Variants in SPATA9 observed in about 807,000 individuals in gnomAD.
SPATA9 encodes spermatogenesis associated 9.
SPATA9 carries 27 observed loss-of-function variants against 25.5 expected under a neutral mutation model. The ratio of observed to expected loss-of-function variants is 1.06; its 90% CI spans 0.78 to 1.46. The LOEUF (loss-of-function observed/expected upper bound fraction) is 1.46. Among genes scored for constraint, SPATA9 ranks in the 40% most tolerant of loss-of-function variants. The pLI, the probability that SPATA9 is intolerant of heterozygous loss-of-function variation, is 0.00. For missense variants in SPATA9, 282 were observed against 297.5 expected (o/e 0.95, Z 0.38); for synonymous variants, 102 against 105.7 (o/e 0.97, Z 0.21).
chr5:95,691,935 A>T (rs1376968706), intron 1 of SPATA9, among the ~76,000 whole-genome samples: 3 of 152,118 alleles, frequency 2.0e-5, no homozygotes, highest in African/African-American at 7.2e-5. Flanking sequence ...CCATTTCATA[A>T]TCTATGAATA....
chr5:95,713,691 G>C, the SPATA9 span: 1 of 152,016 alleles, frequency 6.6e-6, no homozygotes, highest in South Asian at 2.1e-4. Flanking sequence ...ATCTAAGGTA[G>C]ATCTCCTTTA....
upstream of SPATA9, among the ~76,000 whole-genome samples, chr5:95,700,462 G>A (rs562581034): frequency 9.9e-4 from 151 of 152,218 alleles, no homozygotes; most frequent in Non-Finnish European, 1.9e-3. Flanking sequence ...ACCATGGCTG[G>A]CTAATTTTTA....
At position 95,664,045 on chromosome 5, in the gene SPATA9, T is replaced by A; in HGVS notation, c.382A>T (p.Arg128Ter). 3.2e-6 allele frequency: 5 copies of A among 1,550,280 alleles called. No homozygotes were observed. Among genetic ancestry groups the A allele is most frequent in the Non-Finnish European group, 4.4e-6 (5 of 1,143,684 alleles). The change falls in exon 4 of 5, where the codon AGA becomes TGA. Residue 128 changes from arginine to a stop codon, truncating the protein, a stop_gained. Coordinates refer to ENST00000274432, the MANE Select transcript of SPATA9 (RefSeq NM_031952.4). LOFTEE classifies it high-confidence loss of function. ...PRQPLYNIQV[R>*]KGSLFEIISF... ...ATGATTTCAAACAAAGAACCCTTTC[T>A]GACCTGCAAAAACAGAAAAGATTTT...
chr5:95,673,268 C>G (rs1237534649), intron 3 of SPATA9, among the ~76,000 whole-genome samples: 1 of 152,140 alleles, frequency 6.6e-6, no homozygotes, highest in African/African-American at 2.4e-5. Flanking sequence ...TCACATTGCC[C>G]TAAGGAATTC....
At chr5:95,678,645 G>C (rs757797277) in intron 2 of SPATA9, among the ~76,000 whole-genome samples, 131 of 152,152 alleles carry the variant, frequency 8.6e-4, no homozygotes, top group Non-Finnish European at 1.3e-3. Context: ...AGAATTTTAA[G>C]ATACAACCCA....
At chr5:95,653,100 A>G (rs1750458776) in exon 9 of SPATA9, 1 of 1,551,004 alleles carries the variant, frequency 6.4e-7, no homozygotes, top group Non-Finnish European at 8.7e-7. Context: ...AGGCTTTTGT[A>G]TTTGCTCTTC....
rs1750949872 is a variant in SPATA9, at chr5:95,658,674, T to C, written c.714A>G (p.Gln238=). 5 of 1,613,676 alleles carry C rather than the reference T, an allele frequency of 3.1e-6. No individual in the cohort carries two copies. The highest frequency in any genetic ancestry group is 4.2e-6 in the Non-Finnish European group (5 of 1,179,840). ...ATTGGTCAAACACAGAATGTAAAAC[T>C]TGGATGTTATTACTCTGCTTATTAG... is the stretch of plus-strand genomic sequence containing the variant. ...LLANKQSNNI[Q]VLHSVFDQSA... The change falls in exon 5 of 5, where the codon CAA becomes CAG. Residue 238 remains glutamine (Q), a synonymous_variant. Transcript: ENST00000274432.
chr5:95,727,998 A>G, the SPATA9 span, among the ~76,000 whole-genome samples: 1 of 152,218 alleles, frequency 6.6e-6, no homozygotes, highest in African/African-American at 2.4e-5. Flanking sequence ...ACCTGACTTC[A>G]TGTGGTTGAG....
chr5:95,713,856 T>C, the SPATA9 span: 1 of 152,160 alleles, frequency 6.6e-6, no homozygotes, highest in Admixed American at 6.5e-5. Flanking sequence ...AAACTCTGAA[T>C]ACATTATCCA....
intron 3 of SPATA9, chr5:95,674,907 G>A: frequency 5.2e-6 from 2 of 385,700 alleles, no homozygotes; most frequent in South Asian, 3.9e-5. Flanking sequence ...GAAAAACTCT[G>A]AGTTCTGTGC....
At chr5:95,728,831 G>A in the SPATA9 span, among the ~76,000 whole-genome samples, 353 of 152,296 alleles carry the variant, frequency 2.3e-3, 2 homozygotes, top group African/African-American at 8.0e-3. Flanking sequence ...ACAGAATGCC[G>A]TAAAGAAGCC....
the SPATA9 span, among the ~76,000 whole-genome samples, chr5:95,714,318 G>A: frequency 1.1e-4 from 17 of 152,200 alleles, no homozygotes; most frequent in Non-Finnish European, 1.9e-4. Context: ...CAGATGAAAG[G>A]GCTCCAGGAG....
chr5:95,691,132 C>T lies in SPATA9; in HGVS notation n.124+7456G>A, dbSNP rs966669931. Among the ~76,000 whole-genome samples, 91 of 151,172 alleles carry T rather than the reference C, an allele frequency of 6.0e-4. 2 individuals are homozygous for T. The highest frequency in any genetic ancestry group is 3.4e-3 in the Middle Eastern group (1 of 290). On this transcript the variant is annotated intron_variant and non_coding_transcript_variant, in intron 1 of 2. Transcript: ENST00000379990. ...TTGGGAGGCTGAGGCAGGAGAACGG[C>T]GTGAACCCGGGAGGGGGAGCTTGCA...
In SPATA9 at chr5:95,680,546, T is replaced by C. The variant is rs370546812; in HGVS notation, c.150+1982A>G. Reference sequence around the variant, plus strand: ...ATTCTCTTCATTCTCTTCTTTTCTCTGATGCCCTGCTAACCCTTTAAACAA... The same window carrying C: ...ATTCTCTTCATTCTCTTCTTTTCTCCGATGCCCTGCTAACCCTTTAAACAA... On this transcript the variant is annotated intron_variant, in intron 2 of 4. Transcript: ENST00000274432. Among the ~76,000 whole-genome samples, 28 of 152,330 alleles carry C rather than the reference T, an allele frequency of 1.8e-4. No homozygotes were observed. The South Asian group carries it at 5.6e-3, about 30-fold the overall frequency.
chr5:95,658,146 T>G (rs1750887408), downstream of SPATA9: 1 of 152,364 alleles, frequency 6.6e-6, no homozygotes, highest in Non-Finnish European at 1.5e-5. Flanking sequence ...ATGACATCTG[T>G]GAATTGCAAA....
chr5:95,707,855 CAG>C, the SPATA9 span, among the ~76,000 whole-genome samples: 40 of 152,222 alleles, frequency 2.6e-4, no homozygotes, highest in Middle Eastern at 6.8e-3. Context: ...AGTCTAAAAA[CAG>C]AGTTAGTAAA....
At chr5:95,692,304 A>G (rs964212750) in intron 1 of SPATA9, among the ~76,000 whole-genome samples, 1 of 152,168 alleles carries the variant, frequency 6.6e-6, no homozygotes, top group South Asian at 2.1e-4. Context: ...ACTCAGCTGT[A>G]GAAATATTTG....
chr5:95,665,555 C>A (rs1221564383), intron 3 of SPATA9, among the ~76,000 whole-genome samples: 3 of 152,312 alleles, frequency 2.0e-5, no homozygotes, highest in Non-Finnish European at 4.4e-5. Context: ...TGACAGAATT[C>A]TTTTTAATGG....
chr5:95,708,582 G>T, the SPATA9 span: 1 of 696,176 alleles, frequency 1.4e-6, no homozygotes. Context: ...TAGCGTCAGG[G>T]TGATTCCCAG....
Sources: gnomAD v4.1 joint callset for allele counts (sites outside exome capture counted in the v4.1 genomes callset) on GRCh38, gnomAD v4.1.1 for gene constraint, MANE v1.5 for transcripts, NCBI Gene and HGNC (gene_info 2026-07-23, HGNC 2026-07-21) for gene names.